The following KANK1 variants were observed in gnomAD, a reference collection of about 807,000 sequenced individuals.
KANK1 encodes KN motif and ankyrin repeat domains 1, also known as KN motif and ankyrin repeat domain-containing protein 1.
A neutral mutation model predicts 106.2 loss-of-function variants in KANK1; 109 were observed. That is an observed-to-expected ratio of 1.03 (90% CI 0.88 to 1.20). The LOEUF is 1.20. Among genes scored for constraint, KANK1 ranks in the 50% most tolerant of loss-of-function variants. KANK1 has a pLI of 0.00. For missense variants in KANK1, 2,399 were observed against 1,710.7 expected, an observed-to-expected ratio of 1.40 and a Z score of -7.10; for synonymous variants, 873 against 652.2, an observed-to-expected ratio of 1.34 and a Z score of -5.16.
At chr9:507,977 C>T (rs1385164364) in intron 1 of KANK1, among the ~76,000 whole-genome samples, 1 of 151,880 alleles carries the variant, frequency 6.6e-6, no homozygotes, top group Non-Finnish European at 1.5e-5. Context: ...TGCGCCCCCA[C>T]ACTTGGCTAA....
chr9:561,401 C>T (rs1452191494), intron 1 of KANK1, among the ~76,000 whole-genome samples: 1 of 152,110 alleles, frequency 6.6e-6, no homozygotes, highest in African/African-American at 2.4e-5. Flanking sequence ...TGTATGAGTG[C>T]ACTCTTATTT....
intron 1 of KANK1, among the ~76,000 whole-genome samples, chr9:560,765 C>G (rs1330330145): frequency 7.2e-6 from 1 of 139,816 alleles, no homozygotes; most frequent in East Asian, 2.0e-4. Flanking sequence ...AACTGGATGT[C>G]AGACATCAGG....
At chr9:580,831 G>A (rs545962683) in intron 1 of KANK1, among the ~76,000 whole-genome samples, 5 of 152,264 alleles carry the variant, frequency 3.3e-5, no homozygotes, top group East Asian at 1.9e-4. Flanking sequence ...GGCGGTGCTC[G>A]TTGGGGAGGC....
chr9:652,672 G>A (rs1299456386), intron 1 of KANK1, among the ~76,000 whole-genome samples: 3 of 152,196 alleles, frequency 2.0e-5, no homozygotes, highest in Non-Finnish European at 4.4e-5. Context: ...ACTATAATAT[G>A]AAGTTAAAAG....
At chr9:604,463 C>A (rs1396256294) in intron 1 of KANK1, among the ~76,000 whole-genome samples, 2 of 151,730 alleles carry the variant, frequency 1.3e-5, no homozygotes, top group East Asian at 3.9e-4. Flanking sequence ...CACCCTTGCA[C>A]CCATGTCTCT....
rs1303856717 is a variant in KANK1 at position 746,027 on chromosome 9, T to C, written c.*792T>C. 1 of 152,708 alleles carries C rather than the reference T, an allele frequency of 6.5e-6. No homozygotes were observed. Among genetic ancestry groups the C allele is most frequent in the Non-Finnish European group, 1.5e-5 (1 of 68,052 alleles). 9.5% of individuals were successfully genotyped at this position (152,708 alleles called of 1,614,324 possible). ...CCTTTTTACCGTGTCACATTTACTT[T>C]GGTCCTCTATGTATTTAAATGTTTG... On this transcript the variant is annotated 3_prime_UTR_variant, in exon 12 of 12. Transcript: ENST00000382297.
At chr9:687,398 CCTTAT>C (rs936359616) in intron 2 of KANK1, among the ~76,000 whole-genome samples, 11 of 152,116 alleles carry the variant, frequency 7.2e-5, no homozygotes, top group African/African-American at 2.7e-4. Flanking sequence ...ACTATTATTC[CCTTAT>C]CTTAACTCTG....
In KANK1 at chr9:608,165, G is replaced by A. The variant is rs547044154; in HGVS notation, c.-83-68725G>A. Among the ~76,000 whole-genome samples, 3 of 148,922 alleles carry A rather than the reference G, an allele frequency of 2.0e-5. 1 individual carries two copies. Among genetic ancestry groups the A allele is most frequent in the African/African-American group, 7.5e-5 (3 of 39,944 alleles). On this transcript the variant is annotated intron_variant, in intron 1 of 11. Transcript: ENST00000382297. ...CCATTCTCCTGCCTCAGCCTCCCGA[G>A]TAGCTGGGACTACAGGCGCCCGCCA... is the stretch of plus-strand genomic sequence containing the variant.
chr9:711,083 T>G lies in KANK1; in HGVS notation c.317T>G (p.Phe106Cys), dbSNP rs368244639. 5 of 1,614,028 alleles carry G rather than the reference T, an allele frequency of 3.1e-6. No homozygotes were observed. Among genetic ancestry groups the G allele is most frequent in the Non-Finnish European group, 4.2e-6 (5 of 1,180,012 alleles). Reference sequence around the variant, plus strand: ...GATGACAACAAGCAGTGCCCCAACTTCCTCATAGCCAGAAGTCAAGTTACA... The same window carrying G: ...GATGACAACAAGCAGTGCCCCAACTGCCTCATAGCCAGAAGTCAAGTTACA... ...NSDDNKQCPN[F>C]LIARSQVTST... The change falls in exon 3 of 12, where the codon TTC becomes TGC. Residue 106 changes from phenylalanine to cysteine, a missense_variant. Transcript: ENST00000382297.
At chr9:689,433 G>C (rs116037331) in intron 2 of KANK1, among the ~76,000 whole-genome samples, 1 of 152,138 alleles carries the variant, frequency 6.6e-6, no homozygotes, top group Non-Finnish European at 1.5e-5. Flanking sequence ...AGGCAGGGTG[G>C]CCTCTCCTTG....
intron 3 of KANK1, among the ~76,000 whole-genome samples, chr9:496,251 G>C (rs937572909): frequency 6.6e-6 from 1 of 152,152 alleles, no homozygotes. Flanking sequence ...AAGAATTATT[G>C]ATTATTAAAA....
At chr9:471,076 C>T (rs533595442) in intron 2 of KANK1, 1 of 152,346 alleles carries the variant, frequency 6.6e-6, no homozygotes, top group South Asian at 2.1e-4. Flanking sequence ...TAAGCTCATT[C>T]TATTAGCTTG....
chr9:646,658 A>G (rs1839735163), intron 1 of KANK1, among the ~76,000 whole-genome samples: 1 of 150,014 alleles, frequency 6.7e-6, no homozygotes, highest in African/African-American at 2.5e-5. Flanking sequence ...CAGTTTATAG[A>G]GCAGTTCGCC....
chr9:546,915 G>A (rs145434917), intron 1 of KANK1, among the ~76,000 whole-genome samples: 1 of 152,144 alleles, frequency 6.6e-6, no homozygotes, highest in Non-Finnish European at 1.5e-5. Context: ...CTTTGGAAAT[G>A]AGCCTACTCT....
At chr9:607,484 CAAAAAAAAAAAA>C (rs760884670) in intron 1 of KANK1, among the ~76,000 whole-genome samples, 1 of 61,222 alleles carries the variant, frequency 1.6e-5, no homozygotes, top group African/African-American at 5.8e-5. Context: ...GACTCCATCT[CAAAAAAAAAAAA>C]AAAAAAAAAA....
At chr9:719,793 T>G (rs1039088162) in intron 3 of KANK1, among the ~76,000 whole-genome samples, 5 of 152,136 alleles carry the variant, frequency 3.3e-5, no homozygotes, top group Non-Finnish European at 7.4e-5. Context: ...TCACCCAGAC[T>G]AGAGTGCAGT....
At chr9:576,912 C>T (rs1180866801) in intron 1 of KANK1, among the ~76,000 whole-genome samples, 1 of 152,150 alleles carries the variant, frequency 6.6e-6, no homozygotes, top group African/African-American at 2.4e-5. Flanking sequence ...TCACTGACTT[C>T]AAGAATGAAG....
chr9:516,392 C>G (rs964691659), intron 1 of KANK1, among the ~76,000 whole-genome samples: 3 of 151,626 alleles, frequency 2.0e-5, no homozygotes, highest in Non-Finnish European at 4.4e-5. Flanking sequence ...TCAGCTCTGG[C>G]ATGAAACAGT....
chr9:528,469 C>CTTTTTTTTTTTTTTTT (rs36072780), intron 1 of KANK1, among the ~76,000 whole-genome samples: 26 of 85,124 alleles, frequency 3.1e-4, no homozygotes, highest in Non-Finnish European at 4.8e-4. Flanking sequence ...TAAAAAATAA[C>CTTTTTTTTTTTTTTTT]TTTTTTTTTT....
Sources: gnomAD v4.1 joint callset for allele counts (sites outside exome capture counted in the v4.1 genomes callset) on GRCh38, gnomAD v4.1.1 for gene constraint, MANE v1.5 for transcripts, NCBI Gene and HGNC (gene_info 2026-07-23, HGNC 2026-07-21) for gene names.